Variants in RPTOR observed in about 807,000 individuals in gnomAD.
The protein encoded by RPTOR is regulatory associated protein of MTOR complex 1, also known as regulatory-associated protein of mTOR.
Under a neutral mutation model 169.9 loss-of-function variants are expected in RPTOR, and 21 were observed. That is an observed-to-expected ratio of 0.12 (90% CI 0.09 to 0.18). RPTOR has a LOEUF of 0.18. RPTOR is among the 10% of genes least tolerant of loss of function. RPTOR has a pLI of 1.00. For missense variants in RPTOR, 1,133 were observed against 1,855.9 expected, an observed-to-expected ratio of 0.61 and a Z score of 7.16; for synonymous variants, 732 against 753.2, an observed-to-expected ratio of 0.97 and a Z score of 0.46.
chr17:80,921,823 C>T (rs2068748230), intron 21 of RPTOR, among the ~76,000 whole-genome samples: 1 of 152,220 alleles, frequency 6.6e-6, no homozygotes, highest in South Asian at 2.1e-4. Context: ...CAGCCATCCC[C>T]TTCCCCTGCC....
intron 10 of RPTOR, among the ~76,000 whole-genome samples, chr17:80,843,807 C>G (rs1281537548): frequency 6.6e-6 from 1 of 152,188 alleles, no homozygotes; most frequent in Non-Finnish European, 1.5e-5. Flanking sequence ...ACGGGCTCCA[C>G]TTAGGTGTGA....
intron 3 of RPTOR, among the ~76,000 whole-genome samples, chr17:80,686,339 A>C (rs1424342088): frequency 6.7e-6 from 1 of 149,820 alleles, no homozygotes; most frequent in Non-Finnish European, 1.5e-5. Context: ...GGCGCCCGCC[A>C]CCACGCCTGG....
At chr17:80,879,023 A>G (rs1050766876) in intron 13 of RPTOR, among the ~76,000 whole-genome samples, 5 of 151,538 alleles carry the variant, frequency 3.3e-5, no homozygotes, top group Admixed American at 6.6e-5. Flanking sequence ...GCACCACCCG[A>G]TAAGCGGTGA....
intron 7 of RPTOR, among the ~76,000 whole-genome samples, chr17:80,808,714 G>A (rs947388278): frequency 6.6e-6 from 1 of 152,080 alleles, no homozygotes; most frequent in African/African-American, 2.4e-5. Flanking sequence ...CCATTGATCT[G>A]GGTTTTCTCA....
chr17:80,763,485 C>T (rs562856646), intron 6 of RPTOR, among the ~76,000 whole-genome samples: 4 of 152,192 alleles, frequency 2.6e-5, no homozygotes, highest in Admixed American at 2.6e-4. Context: ...ACAACGTGGC[C>T]TCGAACGAGA....
chr17:80,864,156 C>T (rs890030886), intron 13 of RPTOR, among the ~76,000 whole-genome samples: 1 of 152,126 alleles, frequency 6.6e-6, no homozygotes, highest in Non-Finnish European at 1.5e-5. Context: ...CTTAGCAAAC[C>T]CCAAGCACAA....
chr17:80,922,881 GGCT>G, intron 22 of RPTOR, 54 bp downstream of exon 22: 1 of 1,447,410 alleles, frequency 6.9e-7, no homozygotes, highest in African/African-American at 1.4e-5. Context: ...GGGCCCCACG[GGCT>G]GAGCTGTCCC....
At chr17:80,896,270 G>A (rs961753918) in intron 20 of RPTOR, among the ~76,000 whole-genome samples, 40 of 151,720 alleles carry the variant, frequency 2.6e-4, no homozygotes, top group Admixed American at 3.3e-4. Context: ...GCTTCTCAGC[G>A]TCTCCCTGGC....
chr17:80,946,543 C>T (rs938919429), intron 26 of RPTOR, among the ~76,000 whole-genome samples: 18 of 152,230 alleles, frequency 1.2e-4, no homozygotes, highest in African/African-American at 9.6e-5. Flanking sequence ...AAGTGGCGCA[C>T]GCTAGGAGCC....
intron 5 of RPTOR, among the ~76,000 whole-genome samples, chr17:80,752,068 C>T: frequency 6.6e-6 from 1 of 152,216 alleles, no homozygotes. Flanking sequence ...TGTTTTCATT[C>T]CTTTAGCTAT....
rs538325868 is a variant in RPTOR, at chr17:80,807,632, A to G, written c.891-14569A>G. On this transcript the variant is annotated intron_variant, in intron 7 of 33. Coordinates refer to ENST00000306801, the MANE Select transcript of RPTOR (RefSeq NM_020761.3). ...TTCCCAAAGGGCTGGGGTTACAGGC[A>G]TGAGCCACTGTGCCCGGCCAAGCCC... Among the ~76,000 whole-genome samples, 38 of 151,986 alleles carry G rather than the reference A, an allele frequency of 2.5e-4. 1 individual carries two copies. Among genetic ancestry groups the G allele is most frequent in the South Asian group, 1.2e-3 (6 of 4,824 alleles).
chr17:80,631,640 C>T (rs1156260424), intron 2 of RPTOR, among the ~76,000 whole-genome samples: 1 of 150,532 alleles, frequency 6.6e-6, no homozygotes, highest in East Asian at 2.0e-4. Context: ...AGGATTGGAG[C>T]CACTCTTTCC....
intron 31 of RPTOR, among the ~76,000 whole-genome samples, 195 bp from the exon 32 acceptor site, chr17:80,962,266 G>C (rs1241651201): frequency 6.6e-6 from 1 of 152,220 alleles, no homozygotes; most frequent in Non-Finnish European, 1.5e-5. Flanking sequence ...TTGGCCCTGA[G>C]ACCAGTATGG....
chr17:80,801,598 G>C (rs2067158439), intron 7 of RPTOR: 1 of 152,152 alleles, frequency 6.6e-6, no homozygotes, highest in Admixed American at 6.5e-5. Context: ...TCATACACAT[G>C]GATTATGTTT....
chr17:80,791,195 A>T (rs1464584897), intron 6 of RPTOR, among the ~76,000 whole-genome samples: 2 of 151,538 alleles, frequency 1.3e-5, no homozygotes, highest in Non-Finnish European at 3.0e-5. Flanking sequence ...ACCGGGCTTC[A>T]TGTGGCTGCA....
intron 3 of RPTOR, among the ~76,000 whole-genome samples, chr17:80,685,315 TC>T (rs928912604): frequency 4.0e-5 from 6 of 151,788 alleles, no homozygotes; most frequent in Non-Finnish European, 7.4e-5. Context: ...TTGCTCTGTC[TC>T]CCAGGCTGGA....
chr17:80,660,791 G>C (rs2065717086), intron 3 of RPTOR, among the ~76,000 whole-genome samples: 2 of 152,126 alleles, frequency 1.3e-5, no homozygotes, highest in Non-Finnish European at 1.5e-5. Flanking sequence ...CCCAATGCAG[G>C]CAGCCCCTTG....
chr17:80,706,653 C>G (rs1378937268), intron 3 of RPTOR, among the ~76,000 whole-genome samples: 2 of 152,212 alleles, frequency 1.3e-5, no homozygotes, highest in Non-Finnish European at 2.9e-5. Flanking sequence ...CCTAGGGGAG[C>G]CTGCAGTGTC....
chr17:80,710,242 G>A (rs571099775), intron 4 of RPTOR, among the ~76,000 whole-genome samples: 1 of 151,956 alleles, frequency 6.6e-6, no homozygotes, highest in African/African-American at 2.4e-5. Flanking sequence ...TAATCCTCCT[G>A]CCTCAGCCTC....
Sources: gnomAD v4.1 joint callset for allele counts (sites outside exome capture counted in the v4.1 genomes callset) on GRCh38, gnomAD v4.1.1 for gene constraint, MANE v1.5 for transcripts, NCBI Gene and HGNC (gene_info 2026-07-23, HGNC 2026-07-21) for gene names.